The following USH2A variants were observed in gnomAD, a reference collection of about 807,000 sequenced individuals.
USH2A encodes usherin, also known as Usher syndrome 2A (autosomal recessive, mild).
In USH2A, 443 loss-of-function variants were observed where a neutral mutation model predicts 538.9. The observed-to-expected ratio is 0.82, with a 90% CI of 0.76 to 0.89. The LOEUF (loss-of-function observed/expected upper bound fraction) is 0.89, where lower values mean the gene tolerates loss of function less well. Ranked by LOEUF, USH2A falls within the 40% of genes least tolerant of loss-of-function variation. The pLI, the probability that USH2A is intolerant of heterozygous loss-of-function variation, is 0.00. For synonymous variants in USH2A, 2,413 were observed against 2,273.5 expected (o/e 1.06, Z -1.75); for missense variants, 6,633 against 6,324.8 (o/e 1.05, Z -1.65).
At chr1:215,799,910 C>T (rs1214148513) in intron 49 of USH2A, among the ~76,000 whole-genome samples, 1 of 151,976 alleles carries the variant, frequency 6.6e-6, no homozygotes, top group African/African-American at 2.4e-5. Flanking sequence ...TGCTTGAACC[C>T]GGGAGGCGGG....
chr1:216,350,436 T>TA (rs745434943), intron 4 of USH2A, among the ~76,000 whole-genome samples: 3 of 152,162 alleles, frequency 2.0e-5, no homozygotes, highest in Non-Finnish European at 4.4e-5. Flanking sequence ...TATGAGCCTG[T>TA]AAAATCAAAA....
At chr1:216,252,016 T>C (rs1318761596) in intron 11 of USH2A, among the ~76,000 whole-genome samples, 1 of 152,234 alleles carries the variant, frequency 6.6e-6, no homozygotes, top group African/African-American at 2.4e-5. Context: ...AGCTGATTTA[T>C]ATTGTGATAA....
chr1:216,044,366 GATGTAATATATGTAAAA>G (rs1195716405), intron 32 of USH2A, among the ~76,000 whole-genome samples: 2 of 152,196 alleles, frequency 1.3e-5, no homozygotes, highest in East Asian at 1.9e-4. Context: ...TTACATCAAA[GATGTAATATATGTAAAA>G]ATGTAATATA....
chr1:216,076,514 T>C (rs1036329581), intron 27 of USH2A, among the ~76,000 whole-genome samples: 4 of 152,058 alleles, frequency 2.6e-5, no homozygotes, highest in African/African-American at 9.7e-5. Flanking sequence ...TTTTTGTTTC[T>C]TGTTTTTATT....
At chr1:215,671,464 C>T (rs550741640) in intron 63 of USH2A, among the ~76,000 whole-genome samples, 171 bp from the exon 64 acceptor site, 1 of 152,142 alleles carries the variant, frequency 6.6e-6, no homozygotes, top group African/African-American at 2.4e-5. Context: ...GGAGGCAGAG[C>T]TTGCAGTGAG....
At chr1:215,817,586 T>A (rs977964664) in intron 47 of USH2A, among the ~76,000 whole-genome samples, 8 of 151,976 alleles carry the variant, frequency 5.3e-5, no homozygotes, top group Non-Finnish European at 8.8e-5. Context: ...AGTTGTGATA[T>A]GAAACATAAC....
chr1:215,934,433 A>G (rs1266349334), intron 38 of USH2A, among the ~76,000 whole-genome samples, 183 bp downstream of exon 38: 1 of 152,060 alleles, frequency 6.6e-6, no homozygotes, highest in Non-Finnish European at 1.5e-5. Flanking sequence ...AAACAATAAA[A>G]GATCGTCAAT....
chr1:215,662,080 T>C (rs534877036), intron 64 of USH2A, among the ~76,000 whole-genome samples: 51 of 152,344 alleles, frequency 3.3e-4, no homozygotes, highest in African/African-American at 1.2e-3. Flanking sequence ...TTGAACATTG[T>C]AGGTGCTTAA....
chr1:215,947,877 T>A (rs1295030023), intron 37 of USH2A, among the ~76,000 whole-genome samples: 1 of 152,218 alleles, frequency 6.6e-6, no homozygotes, highest in African/African-American at 2.4e-5. Context: ...TTTTCTAGCA[T>A]GATAACTTTG....
At chr1:216,147,927 A>G (rs1571999756) in intron 21 of USH2A, among the ~76,000 whole-genome samples, 1 of 133,162 alleles carries the variant, frequency 7.5e-6, no homozygotes, top group African/African-American at 2.8e-5. Context: ...GGACTGTTCA[A>G]CTCACCTGGC....
At chr1:216,047,416 G>C (rs1443192675) in intron 31 of USH2A, among the ~76,000 whole-genome samples, 2 of 152,126 alleles carry the variant, frequency 1.3e-5, no homozygotes, top group African/African-American at 4.8e-5. Flanking sequence ...GTCCTCAGCA[G>C]ATGCAATGAT....
At chr1:216,259,290 G>A (rs2036320056) in intron 11 of USH2A, among the ~76,000 whole-genome samples, 1 of 152,046 alleles carries the variant, frequency 6.6e-6, no homozygotes, top group Non-Finnish European at 1.5e-5. Flanking sequence ...CATGTGGTTG[G>A]GAGCAAAGGA....
intron 61 of USH2A, among the ~76,000 whole-genome samples, chr1:215,690,844 C>A (rs1571961182): frequency 1.3e-5 from 2 of 152,226 alleles, no homozygotes; most frequent in South Asian, 2.1e-4. Flanking sequence ...CCACTCTGAT[C>A]CAAGCCATAC....
intron 44 of USH2A, among the ~76,000 whole-genome samples, chr1:215,861,854 T>TTG (rs200387989): frequency 0.031 from 4,525 of 145,896 alleles, 117 homozygotes; most frequent in East Asian, 0.13. Flanking sequence ...TTTTTTTTTT[T>TTG]TTTTGAGACA....
At chr1:216,069,258 T>C (rs1308950986) in intron 30 of USH2A, among the ~76,000 whole-genome samples, 1 of 152,154 alleles carries the variant, frequency 6.6e-6, no homozygotes, top group Non-Finnish European at 1.5e-5. Flanking sequence ...TTTGTTTTTC[T>C]TTTGCTAAAA....
At chr1:215,816,968 G>A (rs770093107) in intron 48 of USH2A, 29 bp downstream of exon 48, 1 of 1,607,600 alleles carries the variant, frequency 6.2e-7, no homozygotes, top group African/African-American at 1.3e-5. Flanking sequence ...AGAAAAACAT[G>A]GTTCACTGAT....
chr1:215,935,134 A>C (rs1666461492), intron 37 of USH2A, among the ~76,000 whole-genome samples: 1 of 152,086 alleles, frequency 6.6e-6, no homozygotes, highest in South Asian at 2.1e-4. Context: ...TTACTTGATG[A>C]GTTGTTTATA....
At chr1:216,235,028 C>T (rs2035779193) in intron 13 of USH2A, among the ~76,000 whole-genome samples, 1 of 152,092 alleles carries the variant, frequency 6.6e-6, no homozygotes, top group African/African-American at 2.4e-5. Context: ...TTTTAGCTGT[C>T]CTATTTTTAA....
intron 40 of USH2A, among the ~76,000 whole-genome samples, chr1:215,898,583 G>T (rs573046824): frequency 1.8e-4 from 27 of 150,732 alleles, no homozygotes; most frequent in Admixed American, 9.2e-4. Context: ...AGAATGCTGT[G>T]CCAAAAAAAA....
Sources: allele counts gnomAD v4.1 joint callset (sites outside exome capture counted in the v4.1 genomes callset), GRCh38; gene constraint gnomAD v4.1.1; transcripts MANE v1.5; gene names NCBI Gene and HGNC (gene_info 2026-07-23, HGNC 2026-07-21).